Variants in WDR7 observed in about 807,000 individuals in gnomAD.
The protein encoded by WDR7 is WD repeat domain 7.
WDR7 carries 46 observed loss-of-function variants against 169.4 expected under a neutral mutation model. The observed-to-expected ratio is 0.27, with a 90% CI of 0.21 to 0.35. WDR7 has a LOEUF of 0.35. Ranked by LOEUF, WDR7 falls within the 10% of genes least tolerant of loss-of-function variation. The pLI is 1.00. For synonymous variants in WDR7, 612 were observed against 666.8 expected, an observed-to-expected ratio of 0.92 and a Z score of 1.27; for missense variants, 1,534 against 1,859.3, an observed-to-expected ratio of 0.83 and a Z score of 3.22.
chr18:56,819,548 A>C (rs944373075), intron 20 of WDR7, among the ~76,000 whole-genome samples: 1 of 152,204 alleles, frequency 6.6e-6, no homozygotes, highest in Non-Finnish European at 1.5e-5. Context: ...TATCATAGAC[A>C]TATTAGCCCT....
chr18:56,952,536 G>A (rs559996076), intron 25 of WDR7, among the ~76,000 whole-genome samples: 8 of 152,046 alleles, frequency 5.3e-5, no homozygotes, highest in Non-Finnish European at 8.8e-5. Context: ...ACTCTCAAAC[G>A]TAATCCTACA....
intron 21 of WDR7, among the ~76,000 whole-genome samples, chr18:56,914,438 C>G (rs747644520): frequency 1.3e-5 from 2 of 152,204 alleles, no homozygotes; most frequent in Non-Finnish European, 2.9e-5. Context: ...GCCTGGTACA[C>G]AGCAGGCACT....
At chr18:56,891,028 C>T (rs1568251397) in intron 21 of WDR7, 1 of 152,102 alleles carries the variant, frequency 6.6e-6, no homozygotes, top group Non-Finnish European at 1.5e-5. Flanking sequence ...CTTTTTAAAA[C>T]TTCATATGTA....
chr18:56,811,316 G>A (rs1431647427), intron 19 of WDR7, among the ~76,000 whole-genome samples: 1 of 152,098 alleles, frequency 6.6e-6, no homozygotes, highest in Non-Finnish European at 1.5e-5. Flanking sequence ...GTAACTCTAT[G>A]TTTAACTTTC....
chr18:56,993,238 A>C (rs563592283), intron 26 of WDR7, among the ~76,000 whole-genome samples: 1 of 152,360 alleles, frequency 6.6e-6, no homozygotes, highest in East Asian at 1.9e-4. Context: ...TATGAACTTA[A>C]GAAATTCTTA....
chr18:56,958,671 T>A (rs1395221271), intron 25 of WDR7, among the ~76,000 whole-genome samples: 1 of 152,186 alleles, frequency 6.6e-6, no homozygotes, highest in Non-Finnish European at 1.5e-5. Context: ...TTCTTGTAAA[T>A]CTACAATTGT....
At chr18:56,995,804 C>G (rs988785226) in intron 26 of WDR7, among the ~76,000 whole-genome samples, 5 of 152,202 alleles carry the variant, frequency 3.3e-5, no homozygotes, top group Admixed American at 6.5e-5. Flanking sequence ...GTCCCAGCGT[C>G]AGCTCTCTGA....
At chr18:56,996,749 C>A (rs1448330020) in intron 26 of WDR7, among the ~76,000 whole-genome samples, 2 of 152,144 alleles carry the variant, frequency 1.3e-5, no homozygotes, top group Admixed American at 6.5e-5. Flanking sequence ...AGCTTTCAAT[C>A]AGTACAAAAT....
At chr18:56,893,219 T>C (rs909297123) in intron 21 of WDR7, among the ~76,000 whole-genome samples, 7 of 152,028 alleles carry the variant, frequency 4.6e-5, no homozygotes, top group African/African-American at 1.7e-4. Context: ...ATTAGGACAT[T>C]GTGGTTCCTA....
intron 25 of WDR7, 25 bp downstream of exon 25, chr18:56,939,418 A>G (rs775472731): frequency 6.0e-6 from 9 of 1,496,532 alleles, no homozygotes; most frequent in Non-Finnish European, 8.1e-6. Flanking sequence ...AAGAGCATGC[A>G]GAATAAATAA....
rs569197711 is a variant in WDR7 at position 56,836,411 on chromosome 18, G to A, written c.3304+20267G>A. On this transcript the variant is annotated intron_variant, in intron 20 of 27. Transcript: ENST00000254442. ...GGGCCTCATTTCTGAGTTTTAGGGC[G>A]GATCCTGTCAGCACATGTTTTGGGA... 3.3e-5 allele frequency among the ~76,000 whole-genome samples: 5 copies of A among 152,148 alleles called. No homozygotes were observed. The South Asian group carries it at 6.2e-4, about 19-fold the overall frequency.
At chr18:56,795,593 C>T (rs900807410) in intron 19 of WDR7, among the ~76,000 whole-genome samples, 1 of 152,200 alleles carries the variant, frequency 6.6e-6, no homozygotes, top group Non-Finnish European at 1.5e-5. Context: ...CCACAATACA[C>T]ACACAACAGT....
chr18:56,951,700 A>G (rs186200496), intron 25 of WDR7, among the ~76,000 whole-genome samples: 44 of 152,298 alleles, frequency 2.9e-4, no homozygotes, highest in Non-Finnish European at 5.3e-4. Flanking sequence ...AGATATTTAT[A>G]TGCACACTAT....
At chr18:56,750,656 G>A (rs530289006) in intron 14 of WDR7, among the ~76,000 whole-genome samples, 1 of 152,310 alleles carries the variant, frequency 6.6e-6, no homozygotes. Context: ...CCGATAGTCC[G>A]TATTTGACAT....
chr18:56,971,348 G>A (rs559270723), intron 26 of WDR7, among the ~76,000 whole-genome samples: 1 of 150,034 alleles, frequency 6.7e-6, no homozygotes, highest in Non-Finnish European at 1.5e-5. Context: ...TGTCATCTTA[G>A]ACAACAGATT....
intron 12 of WDR7, among the ~76,000 whole-genome samples, chr18:56,701,513 G>C (rs2025834378): frequency 6.6e-6 from 1 of 151,952 alleles, no homozygotes; most frequent in African/African-American, 2.4e-5. Flanking sequence ...TAAATGAGTG[G>C]TTTTCTCATG....
rs1315590101 is a variant in WDR7, at chr18:56,731,528, T to G, written c.1920T>G (p.Leu640=). The G allele has an allele frequency of 8.7e-6, 14 of 1,614,018 alleles. No individual in the cohort carries two copies. Among genetic ancestry groups the G allele is most frequent in the Admixed American group, 6.7e-5 (4 of 59,990 alleles). Residue 640 remains leucine (L), a synonymous_variant, in exon 14 of 28, where the codon CTT becomes CTG. Coordinates refer to ENST00000254442, the MANE Select transcript of WDR7 (RefSeq NM_015285.3). ...TGACGAGACGTAGTCTTGCTGCTCTTAAAAATATGGCCCATCATAAGCTAC... is the reference window on the plus strand; with the variant it reads ...TGACGAGACGTAGTCTTGCTGCTCTGAAAAATATGGCCCATCATAAGCTAC... ...QAMTRRSLAA[L]KNMAHHKLQT...
chr18:56,759,990 C>T (rs1428742048), intron 16 of WDR7, among the ~76,000 whole-genome samples: 1 of 152,096 alleles, frequency 6.6e-6, no homozygotes, highest in Non-Finnish European at 1.5e-5. Flanking sequence ...ACTTTCTATG[C>T]CATTTCTATC....
intron 20 of WDR7, among the ~76,000 whole-genome samples, chr18:56,842,228 G>C (rs1443555722): frequency 6.6e-6 from 1 of 151,834 alleles, no homozygotes; most frequent in Non-Finnish European, 1.5e-5. Flanking sequence ...CTTGGTTCTG[G>C]AGGCTAGGTC....
Sources: gnomAD v4.1 joint callset for allele counts (sites outside exome capture counted in the v4.1 genomes callset) on GRCh38, gnomAD v4.1.1 for gene constraint, MANE v1.5 for transcripts, NCBI Gene and HGNC (gene_info 2026-07-23, HGNC 2026-07-21) for gene names.